RPS6KC1: variants seen among roughly 807,000 people sequenced by gnomAD.
RPS6KC1 encodes the protein inactive ribosomal protein S6 kinase delta-1.
Under a neutral mutation model 103.8 loss-of-function variants are expected in RPS6KC1, and 54 were observed. The observed-to-expected ratio is 0.52, with a 90% confidence interval of 0.42 to 0.65. The LOEUF (loss-of-function observed/expected upper bound fraction) is 0.65, where lower values mean the gene tolerates loss of function less well. Ranked by LOEUF, RPS6KC1 falls within the 30% of genes least tolerant of loss-of-function variation. RPS6KC1 has a pLI of 0.00. For synonymous variants in RPS6KC1, 439 were observed against 438.7 expected (o/e 1.00, Z -0.01); for missense variants, 1,151 against 1,253.8 (o/e 0.92, Z 1.24).
the RPS6KC1 span, among the ~76,000 whole-genome samples, chr1:213,697,317 C>T: frequency 0.13 from 19,268 of 152,142 alleles, 1,344 homozygotes; most frequent in African/African-American, 0.19. Context: ...AAATCAGTGT[C>T]GTGCATTACT....
rs1172663325 is a variant in RPS6KC1, at chr1:213,223,210, T to C, written c.1045-7287T>C. ...CTCTGTGTTTGTCCTGTAGTCTTTT[T>C]GTTTCTTTTCTTTTTTTCAATAGTT... On this transcript the variant is annotated intron_variant, in intron 8 of 14. Coordinates refer to ENST00000366960, the MANE Select transcript of RPS6KC1 (RefSeq NM_012424.6). Among the ~76,000 whole-genome samples, 4 of 152,234 alleles carry C rather than the reference T, an allele frequency of 2.6e-5. No homozygotes were observed. In the East Asian group the frequency reaches 7.7e-4, roughly 29 times the overall value.
chr1:213,489,468 T>A, the RPS6KC1 span, among the ~76,000 whole-genome samples: 1 of 152,214 alleles, frequency 6.6e-6, no homozygotes, highest in African/African-American at 2.4e-5. Flanking sequence ...GGGCTTATTT[T>A]CCTCTGGGCC....
At chr1:213,424,084 G>A in the RPS6KC1 span, among the ~76,000 whole-genome samples, 1 of 152,202 alleles carries the variant, frequency 6.6e-6, no homozygotes, top group African/African-American at 2.4e-5. Context: ...TAGCTGTGGA[G>A]AATGAGATTT....
chr1:213,761,411 G>A, the RPS6KC1 span, among the ~76,000 whole-genome samples: 1 of 152,172 alleles, frequency 6.6e-6, no homozygotes, highest in Non-Finnish European at 1.5e-5. Context: ...AGAGCAGGAG[G>A]ATATAGTTTT....
the RPS6KC1 span, among the ~76,000 whole-genome samples, chr1:213,420,150 G>A: frequency 2.0e-5 from 3 of 152,160 alleles, no homozygotes; most frequent in Non-Finnish European, 4.4e-5. Flanking sequence ...TGCGTGGGAG[G>A]ATTGGAAGAG....
At chr1:213,199,275 A>T (rs908064761) in intron 8 of RPS6KC1, among the ~76,000 whole-genome samples, 3 of 152,206 alleles carry the variant, frequency 2.0e-5, no homozygotes, top group Non-Finnish European at 2.9e-5. Context: ...CCAGCACCAC[A>T]TTAAAAAGCT....
the RPS6KC1 span, among the ~76,000 whole-genome samples, chr1:213,848,038 C>T: frequency 7.9e-5 from 12 of 152,044 alleles, 1 homozygote; most frequent in South Asian, 6.2e-4. Flanking sequence ...TCTTCTATAA[C>T]GACACAATAT....
chr1:213,683,446 T>C, the RPS6KC1 span, among the ~76,000 whole-genome samples: 6 of 152,148 alleles, frequency 3.9e-5, no homozygotes, highest in Non-Finnish European at 8.8e-5. Flanking sequence ...ATCCCTATCT[T>C]GAGGTCCCCA....
At chr1:213,407,715 C>T in the RPS6KC1 span, among the ~76,000 whole-genome samples, 1 of 152,226 alleles carries the variant, frequency 6.6e-6, no homozygotes, top group African/African-American at 2.4e-5. Context: ...ATCTCATTTT[C>T]TAAGTAGGGC....
intron 6 of RPS6KC1, among the ~76,000 whole-genome samples, chr1:213,160,677 AG>A (rs11336155): frequency 0.61 from 92,576 of 151,776 alleles, 28,657 homozygotes; most frequent in Non-Finnish European, 0.65. Flanking sequence ...GCCATAAAAA[AG>A]GATGAGTTCA....
the RPS6KC1 span, among the ~76,000 whole-genome samples, chr1:213,642,277 A>G: frequency 2.0e-5 from 3 of 152,112 alleles, no homozygotes; most frequent in East Asian, 5.8e-4. Context: ...AGAGTCCTCT[A>G]GTGGGCCAGA....
chr1:213,403,018 C>T, the RPS6KC1 span, among the ~76,000 whole-genome samples: 11 of 149,884 alleles, frequency 7.3e-5, no homozygotes, highest in African/African-American at 2.0e-4. Flanking sequence ...GTCCCAGCTA[C>T]GAGGGAGGCT....
chr1:213,588,534 T>G, the RPS6KC1 span, among the ~76,000 whole-genome samples: 1 of 152,056 alleles, frequency 6.6e-6, no homozygotes, highest in Admixed American at 6.5e-5. Flanking sequence ...CTCCTGACCT[T>G]GTGATCTGCC....
the RPS6KC1 span, among the ~76,000 whole-genome samples, chr1:213,546,617 G>A: frequency 6.6e-6 from 1 of 152,134 alleles, no homozygotes; most frequent in South Asian, 2.1e-4. Flanking sequence ...AATTTTATAT[G>A]TTAGGATTTT....
intron 7 of RPS6KC1, among the ~76,000 whole-genome samples, chr1:213,170,632 G>T (rs1002491564): frequency 6.6e-6 from 1 of 152,102 alleles, no homozygotes; most frequent in African/African-American, 2.4e-5. Flanking sequence ...GGATTTTTTC[G>T]GTTCTTAGGC....
chr1:213,273,706 T>G lies in RPS6KC1; in HGVS notation c.*1072T>G, dbSNP rs529977358. The G allele has an allele frequency of 8.5e-5, 13 of 152,410 alleles. No homozygotes were observed. Among genetic ancestry groups the G allele is most frequent in the African/African-American group, 2.9e-4 (12 of 41,598 alleles). The allele number at this position is 152,410 out of a possible 1,614,324, so 9.4% of individuals were successfully genotyped here. On this transcript the variant is annotated 3_prime_UTR_variant, in exon 15 of 15. Coordinates refer to ENST00000366960, the MANE Select transcript of RPS6KC1 (RefSeq NM_012424.6). ...TTGAACTAATCTATTTGACGTGATT[T>G]AGAAAGAATGTAAGTATTCACACAT...
chr1:213,145,967 G>GTTTTTTTTTT (rs71573864), intron 6 of RPS6KC1, among the ~76,000 whole-genome samples: 11 of 47,834 alleles, frequency 2.3e-4, no homozygotes, highest in African/African-American at 3.9e-4. Context: ...CATTCATTCT[G>GTTTTTTTTTT]TTTTTTTTTT....
At chr1:213,356,259 T>G in the RPS6KC1 span, among the ~76,000 whole-genome samples, 2 of 152,224 alleles carry the variant, frequency 1.3e-5, no homozygotes, top group African/African-American at 2.4e-5. Flanking sequence ...GATATTTTCT[T>G]TTTCCTATCT....
the RPS6KC1 span, among the ~76,000 whole-genome samples, chr1:213,530,325 C>A: frequency 6.6e-6 from 1 of 152,176 alleles, no homozygotes; most frequent in African/African-American, 2.4e-5. Context: ...TCATCCAGTA[C>A]TTAGGGCAGT....
Sources: gnomAD v4.1 joint callset for allele counts (sites outside exome capture counted in the v4.1 genomes callset) on GRCh38, gnomAD v4.1.1 for gene constraint, MANE v1.5 for transcripts, NCBI Gene and HGNC (gene_info 2026-07-23, HGNC 2026-07-21) for gene names.